Variants in GLI2 observed in about 807,000 individuals in gnomAD.
The protein encoded by GLI2 is transcription activator GLI2.
In GLI2, 22 loss-of-function variants were observed where a neutral mutation model predicts 78.9. That is an observed-to-expected ratio of 0.28 (90% CI 0.20 to 0.40). The LOEUF is 0.40. Ranked by LOEUF, GLI2 falls within the 10% of genes least tolerant of loss-of-function variation. GLI2 has a pLI of 1.00. For missense variants in GLI2, 2,097 were observed against 2,213.2 expected, an observed-to-expected ratio of 0.95 and a Z score of 1.05; for synonymous variants, 974 against 963.7, an observed-to-expected ratio of 1.01 and a Z score of -0.20.
chr2:120,818,961 G>C (rs553365940), intron 2 of GLI2, among the ~76,000 whole-genome samples: 2 of 124,052 alleles, frequency 1.6e-5, no homozygotes, highest in Admixed American at 8.4e-5. Flanking sequence ...TCTAGGTTAC[G>C]TGCTGGGAAA....
intron 1 of GLI2, among the ~76,000 whole-genome samples, chr2:120,755,129 G>T (rs1451412085): frequency 6.6e-6 from 1 of 152,192 alleles, no homozygotes; most frequent in East Asian, 1.9e-4. Context: ...GGGATTGCAG[G>T]CATGAGACAC....
At chr2:120,988,148 C>T (rs2105083962) in intron 13 of GLI2, 60 bp from the exon 14 acceptor site, 1 of 1,476,978 alleles carries the variant, frequency 6.8e-7, no homozygotes, top group Non-Finnish European at 9.1e-7. Context: ...TGACTGAGCA[C>T]GGTCAAAGCA....
intron 1 of GLI2, among the ~76,000 whole-genome samples, chr2:120,788,255 C>T (rs1385669921): frequency 6.6e-6 from 1 of 152,224 alleles, no homozygotes; most frequent in East Asian, 1.9e-4. Context: ...GACGTGTGCA[C>T]AGGTGGTGTC....
chr2:120,899,978 C>T (rs1678172401), intron 2 of GLI2, among the ~76,000 whole-genome samples: 2 of 152,338 alleles, frequency 1.3e-5, no homozygotes, highest in South Asian at 4.1e-4. Context: ...TTCCAAGGGC[C>T]TGGGAAGGTG....
intron 2 of GLI2, among the ~76,000 whole-genome samples, chr2:120,804,377 AG>A: frequency 6.6e-6 from 1 of 152,180 alleles, no homozygotes; most frequent in Admixed American, 6.5e-5. Flanking sequence ...GACATCCCAT[AG>A]GGGATTATGG....
At chr2:120,816,837 TA>T (rs1384152266) in intron 2 of GLI2, among the ~76,000 whole-genome samples, 1 of 152,328 alleles carries the variant, frequency 6.6e-6, no homozygotes, top group East Asian at 1.9e-4. Flanking sequence ...GAGGGTATTT[TA>T]AAAGCCTTTT....
intron 1 of GLI2, among the ~76,000 whole-genome samples, chr2:120,748,631 C>T (rs1682765503): frequency 6.6e-6 from 1 of 152,176 alleles, no homozygotes; most frequent in Admixed American, 6.5e-5. Flanking sequence ...CATAAATGTG[C>T]AGAGGCCCAG....
chr2:120,884,853 A>AC (rs1328259308), intron 2 of GLI2, among the ~76,000 whole-genome samples: 1 of 151,670 alleles, frequency 6.6e-6, no homozygotes, highest in Admixed American at 6.6e-5. Flanking sequence ...ACATCTGCTC[A>AC]CCCCCTGGGC....
At chr2:120,820,169 T>C (rs1434152809) in intron 2 of GLI2, among the ~76,000 whole-genome samples, 1 of 152,056 alleles carries the variant, frequency 6.6e-6, no homozygotes, top group African/African-American at 2.4e-5. Context: ...CTCTGTCTGG[T>C]TTTCTCTGAG....
intron 1 of GLI2, among the ~76,000 whole-genome samples, chr2:120,793,596 CT>C (rs1684248258): frequency 6.6e-6 from 1 of 152,178 alleles, no homozygotes; most frequent in African/African-American, 2.4e-5. Context: ...CCTCTTGGCT[CT>C]GTGTACTATC....
At chr2:120,981,729 A>G (rs1193928654) in intron 10 of GLI2, among the ~76,000 whole-genome samples, 1 of 152,122 alleles carries the variant, frequency 6.6e-6, no homozygotes, top group African/African-American at 2.4e-5. Flanking sequence ...CAACCACAGT[A>G]TCTTTGGAAT....
At chr2:120,909,377 C>T (rs1038685547) in intron 2 of GLI2, among the ~76,000 whole-genome samples, 1 of 152,150 alleles carries the variant, frequency 6.6e-6, no homozygotes, top group Admixed American at 6.5e-5. Flanking sequence ...GTCAGCCCTA[C>T]CCCATGCCAG....
intron 1 of GLI2, among the ~76,000 whole-genome samples, chr2:120,757,441 T>G (rs754693333): frequency 6.6e-6 from 1 of 152,242 alleles, no homozygotes; most frequent in African/African-American, 2.4e-5. Context: ...GGTAAAATCC[T>G]TCAGAGTTCT....
chr2:120,925,146 G>C (rs1459872077), intron 2 of GLI2, among the ~76,000 whole-genome samples: 4 of 152,210 alleles, frequency 2.6e-5, no homozygotes, highest in Admixed American at 1.3e-4. Context: ...TCAGAGAAAA[G>C]GTTGTCCTTC....
At chr2:120,767,123 G>A (rs1310552374) in intron 1 of GLI2, among the ~76,000 whole-genome samples, 1 of 152,226 alleles carries the variant, frequency 6.6e-6, no homozygotes, top group Non-Finnish European at 1.5e-5. Flanking sequence ...CGACCTCTAC[G>A]TAACTTGTTC....
At chr2:120,812,325 G>A (rs780819077) in intron 2 of GLI2, among the ~76,000 whole-genome samples, 1 of 152,180 alleles carries the variant, frequency 6.6e-6, no homozygotes, top group East Asian at 1.9e-4. Flanking sequence ...CCCAGGAGCC[G>A]CTGGATGGGC....
chr2:120,943,557 G>T (rs1241708303), intron 3 of GLI2, among the ~76,000 whole-genome samples: 1 of 152,222 alleles, frequency 6.6e-6, no homozygotes, highest in Non-Finnish European at 1.5e-5. Context: ...GGACCAGTCT[G>T]GGGGCATCCG....
At chr2:120,873,438 C>A (rs1688568195) in intron 2 of GLI2, among the ~76,000 whole-genome samples, 1 of 152,218 alleles carries the variant, frequency 6.6e-6, no homozygotes, top group Non-Finnish European at 1.5e-5. Context: ...CATTACTTTT[C>A]AATTTGACAG....
chr2:120,896,309 G>A (rs1412496716), intron 2 of GLI2, among the ~76,000 whole-genome samples: 5 of 152,134 alleles, frequency 3.3e-5, no homozygotes, highest in African/African-American at 9.7e-5. Flanking sequence ...GACACACCAG[G>A]GGTGTGGGTA....
Sources: gnomAD v4.1 joint callset for allele counts (sites outside exome capture counted in the v4.1 genomes callset) on GRCh38, gnomAD v4.1.1 for gene constraint, MANE v1.5 for transcripts, NCBI Gene and HGNC (gene_info 2026-07-23, HGNC 2026-07-21) for gene names.